The following FBN2 variants were observed in gnomAD, a reference collection of about 807,000 sequenced individuals.
FBN2 encodes the protein fibrillin-2.
FBN2 carries 105 observed loss-of-function variants against 355.6 expected under a neutral mutation model. The observed-to-expected ratio is 0.30, with a 90% CI of 0.25 to 0.35. The LOEUF is 0.35. Ranked by LOEUF, FBN2 falls within the 10% of genes least tolerant of loss-of-function variation. The pLI is 1.00. For synonymous variants in FBN2, 1,350 were observed against 1,301.2 expected (o/e 1.04, Z -0.81); for missense variants, 3,280 against 3,758.7 (o/e 0.87, Z 3.33).
chr5:128,269,927 C>A (rs1765225949), intron 62 of FBN2, among the ~76,000 whole-genome samples: 1 of 152,170 alleles, frequency 6.6e-6, no homozygotes, highest in African/African-American at 2.4e-5. Flanking sequence ...AGGCCTCATG[C>A]TACCTGTCTT....
intron 19 of FBN2, among the ~76,000 whole-genome samples, chr5:128,357,731 C>A (rs946525004): frequency 2.0e-5 from 3 of 151,794 alleles, no homozygotes; most frequent in Non-Finnish European, 2.9e-5. Flanking sequence ...ATCCTGTGCA[C>A]AAACAAAGGT....
rs559430439 is a variant in FBN2 at position 128,460,681 on chromosome 5, C to T, written c.826+4043G>A. Among the ~76,000 whole-genome samples, 201 of 152,244 alleles carry T rather than the reference C, an allele frequency of 1.3e-3. 1 individual carries two copies. The highest frequency in any genetic ancestry group is 2.4e-3 in the Non-Finnish European group (166 of 68,012). On this transcript the variant is annotated intron_variant, in intron 6 of 64. Coordinates refer to ENST00000262464, the MANE Select transcript of FBN2 (RefSeq NM_001999.4). ...AAACATACAGACCAATGGAGCAGAA[C>T]AGAGACCTCAGAAATAACACCACAC...
chr5:128,356,045 C>T (rs1318590593), intron 20 of FBN2, among the ~76,000 whole-genome samples: 1 of 152,144 alleles, frequency 6.6e-6, no homozygotes, highest in African/African-American at 2.4e-5. Flanking sequence ...AATTCATTTC[C>T]TTTGCATAAT....
chr5:128,450,350 A>T (rs1754204190), intron 6 of FBN2, among the ~76,000 whole-genome samples: 1 of 152,156 alleles, frequency 6.6e-6, no homozygotes, highest in Non-Finnish European at 1.5e-5. Context: ...CTCCAAACAC[A>T]ACAGAGTTAA....
At chr5:128,336,257 A>T in intron 27 of FBN2, 144 bp from the exon 28 acceptor site, 1 of 817,902 alleles carries the variant, frequency 1.2e-6, no homozygotes, top group Non-Finnish European at 2.1e-6. Context: ...GATTGAAAGA[A>T]AATGCTGGAT....
At chr5:128,534,870 T>C (rs1324075080) in intron 2 of FBN2, among the ~76,000 whole-genome samples, 1 of 152,196 alleles carries the variant, frequency 6.6e-6, no homozygotes, top group Non-Finnish European at 1.5e-5. Flanking sequence ...AACTCAATAA[T>C]GGCAGTCACA....
chr5:128,338,756 C>T (rs1003580397), intron 26 of FBN2, among the ~76,000 whole-genome samples, 177 bp downstream of exon 26: 1 of 152,172 alleles, frequency 6.6e-6, no homozygotes, highest in Non-Finnish European at 1.5e-5. Context: ...GGTTGGGGCT[C>T]CCCGAGAGCT....
At chr5:128,515,177 A>T (rs1179113870) in intron 5 of FBN2, among the ~76,000 whole-genome samples, 1 of 152,114 alleles carries the variant, frequency 6.6e-6, no homozygotes, top group African/African-American at 2.4e-5. Context: ...CTCTTGGAGG[A>T]TTTGGGTAAG....
At chr5:128,422,036 G>T (rs1753363113) in intron 7 of FBN2, among the ~76,000 whole-genome samples, 1 of 152,160 alleles carries the variant, frequency 6.6e-6, no homozygotes, top group African/African-American at 2.4e-5. Flanking sequence ...TTTAAAGATG[G>T]AAGAGGCCAC....
Position 128,464,713 on chromosome 5 carries a change from A to C in FBN2, c.826+11T>G. ...TCTGCGATGGTGTGCACAGGCAGACAGCTGACTCACCTTGGCAAGCTCCAG... is the reference window on the plus strand; with the variant it reads ...TCTGCGATGGTGTGCACAGGCAGACCGCTGACTCACCTTGGCAAGCTCCAG... On this transcript the variant is annotated intron_variant, in intron 6 of 64. Transcript: ENST00000262464. The C allele has an allele frequency of 6.2e-7, 1 of 1,612,000 alleles. No homozygotes were observed. Among genetic ancestry groups the C allele is most frequent in the Non-Finnish European group, 8.5e-7 (1 of 1,179,668 alleles).
At chr5:128,459,694 C>T (rs560510837) in intron 6 of FBN2, among the ~76,000 whole-genome samples, 18 of 152,308 alleles carry the variant, frequency 1.2e-4, no homozygotes, top group African/African-American at 2.6e-4. Context: ...ATCACATAAA[C>T]AGAACCAAAG....
intron 19 of FBN2, among the ~76,000 whole-genome samples, chr5:128,358,035 T>TA (rs1751548835): frequency 6.6e-6 from 1 of 152,168 alleles, no homozygotes; most frequent in Admixed American, 6.5e-5. Flanking sequence ...AATGGGACTC[T>TA]ACCATTTATT....
intron 13 of FBN2, 104 bp downstream of exon 13, chr5:128,377,648 C>T: frequency 8.4e-7 from 1 of 1,190,018 alleles, no homozygotes. Context: ...ACCTGAAGAT[C>T]TCACATACGT....
chr5:128,283,253 C>G (rs1338522050), intron 55 of FBN2, among the ~76,000 whole-genome samples: 2 of 152,216 alleles, frequency 1.3e-5, no homozygotes, highest in East Asian at 3.8e-4. Context: ...TCTTATTCAC[C>G]TATTACCCCT....
chr5:128,437,763 A>AGTAT (rs1409664398), intron 7 of FBN2, among the ~76,000 whole-genome samples: 1 of 148,862 alleles, frequency 6.7e-6, no homozygotes, highest in South Asian at 2.2e-4. Context: ...ATAGATAAAT[A>AGTAT]GTATGTATGT....
chr5:128,467,118 A>G (rs978176886), intron 5 of FBN2, among the ~76,000 whole-genome samples: 1 of 152,026 alleles, frequency 6.6e-6, no homozygotes, highest in Non-Finnish European at 1.5e-5. Flanking sequence ...AAATAAACCA[A>G]CTTGACAGTA....
rs1177272902 is a variant in FBN2 at position 128,286,772 on chromosome 5, T to G, written c.6958A>C (p.Met2320Leu). 6.2e-7 allele frequency: 1 copy of G among 1,614,170 alleles called. No individual in the cohort carries two copies. Among genetic ancestry groups the G allele is most frequent in the African/African-American group, 1.3e-5 (1 of 75,074 alleles). The change falls in exon 55 of 65, where the codon ATG becomes CTG. Residue 2320 changes from methionine (M) to leucine (L), a missense_variant. Around this residue, in one of 6 missense-constraint regions of FBN2, gnomAD observed 2,284 missense variants for 2,749.5 expected, o/e 0.83. Coordinates refer to ENST00000262464, the MANE Select transcript of FBN2 (RefSeq NM_001999.4). ...MMCKNLIGTF[M>L]CICPPGMARR... ...GCCATTCCAGGAGGGCAGATGCACATGAAGGTGCCGATTAGATTCTTACAC... is the reference window on the plus strand; with the variant it reads ...GCCATTCCAGGAGGGCAGATGCACAGGAAGGTGCCGATTAGATTCTTACAC...
intron 27 of FBN2, 137 bp from the exon 28 acceptor site, chr5:128,336,250 T>G (rs2126898987): frequency 2.4e-6 from 2 of 837,732 alleles, no homozygotes; most frequent in East Asian, 4.9e-5. Flanking sequence ...CCTGGGGGAT[T>G]GAAAGAAAAT....
intron 64 of FBN2, 38 bp downstream of exon 64, chr5:128,261,698 A>T: frequency 6.2e-7 from 1 of 1,606,366 alleles, no homozygotes; most frequent in African/African-American, 1.3e-5. Flanking sequence ...CTCCGTAGGG[A>T]TAAAATTTTG....
Sources: gnomAD v4.1 joint callset for allele counts (sites outside exome capture counted in the v4.1 genomes callset) on GRCh38, gnomAD v4.1.1 for gene constraint, gnomAD v4.1.1 regional missense constraint, MANE v1.5 for transcripts, NCBI Gene and HGNC (gene_info 2026-07-23, HGNC 2026-07-21) for gene names.